WFDC1: variants seen among roughly 807,000 people sequenced by gnomAD.
The protein encoded by WFDC1 is WAP four-disulfide core domain 1.
WFDC1 carries 39 observed loss-of-function variants against 32.9 expected under a neutral mutation model. The observed-to-expected ratio is 1.19, with a 90% CI of 0.92 to 1.55. The LOEUF (loss-of-function observed/expected upper bound fraction) is 1.55, where lower values mean the gene tolerates loss of function less well. Among genes scored for constraint, WFDC1 ranks in the 40% most tolerant of loss-of-function variants. The pLI, the probability that WFDC1 is intolerant of heterozygous loss-of-function variation, is 0.00. For missense variants in WFDC1, 386 were observed against 309.5 expected (o/e 1.25, Z -1.85); for synonymous variants, 184 against 137.4 (o/e 1.34, Z -2.37).
Position 84,324,413 on chromosome 16 carries a change from T to G in WFDC1, c.563-6T>G. 1 of 1,613,700 alleles carries G rather than the reference T, an allele frequency of 6.2e-7. No homozygotes were observed. The highest frequency in any genetic ancestry group is 8.5e-7 in the Non-Finnish European group (1 of 1,179,914). On this transcript the variant is annotated splice_region_variant and splice_polypyrimidine_tract_variant and intron_variant, in intron 4 of 6. Transcript: ENST00000219454. The stretch of plus-strand genomic sequence containing the variant: ...AAGAAGTTTTTTCCTCTCACTTGTT[T>G]TCCAGATGGGCGAATCCTACGACAC...
chr16:84,308,098 C>T (rs1907373472), intron 1 of WFDC1, among the ~76,000 whole-genome samples: 1 of 152,196 alleles, frequency 6.6e-6, no homozygotes, highest in African/African-American at 2.4e-5. Context: ...AAGAAGGGTT[C>T]TCTGGGTGAA....
chr16:84,324,490 G>C (rs749103653), intron 5 of WFDC1, 30 bp downstream of exon 5: 5 of 1,603,726 alleles, frequency 3.1e-6, no homozygotes, highest in Non-Finnish European at 4.3e-6. Context: ...TTTCTTTCCA[G>C]AGGGCACAAA....
intron 5 of WFDC1, among the ~76,000 whole-genome samples, chr16:84,325,175 C>T (rs1417528111): frequency 6.6e-6 from 1 of 151,132 alleles, no homozygotes; most frequent in Admixed American, 6.6e-5. Flanking sequence ...TACATACATC[C>T]TTTCACTTAT....
intron 1 of WFDC1, among the ~76,000 whole-genome samples, chr16:84,301,960 G>C (rs1445171824): frequency 6.6e-6 from 1 of 152,314 alleles, no homozygotes; most frequent in African/African-American, 2.4e-5. Context: ...AGCACTCACC[G>C]CAGCCACAGG....
At chr16:84,309,682 G>A (rs1176046283) in intron 1 of WFDC1, among the ~76,000 whole-genome samples, 1 of 151,890 alleles carries the variant, frequency 6.6e-6, no homozygotes, top group African/African-American at 2.4e-5. Context: ...AGATCAAGGG[G>A]TCAGCAGAGC....
intron 5 of WFDC1, chr16:84,326,151 A>G (rs988654883): frequency 6.7e-6 from 1 of 149,714 alleles, no homozygotes; most frequent in Non-Finnish European, 1.5e-5. Context: ...CCATCTATCC[A>G]TCTATCCACC....
chr16:84,327,269 C>A, intron 6 of WFDC1: 1 of 307,186 alleles, frequency 3.3e-6, no homozygotes, highest in South Asian at 4.5e-5. Context: ...TTGTTCACTG[C>A]AGCCTCAGAC....
chr16:84,298,209 G>T (rs2151363920), intron 1 of WFDC1, among the ~76,000 whole-genome samples: 1 of 152,144 alleles, frequency 6.6e-6, no homozygotes, highest in East Asian at 1.9e-4. Flanking sequence ...CCCGGCTCAA[G>T]TGATTCTTGT....
At chr16:84,316,073 C>A (rs776797498) in intron 2 of WFDC1, 8 of 152,258 alleles carry the variant, frequency 5.3e-5, no homozygotes, top group Non-Finnish European at 8.8e-5. Context: ...ACAAACAGCA[C>A]ATATTACTAC....
intron 1 of WFDC1, among the ~76,000 whole-genome samples, chr16:84,305,185 A>G (rs926703877): frequency 2.6e-5 from 4 of 152,244 alleles, no homozygotes; most frequent in African/African-American, 9.6e-5. Context: ...GGCACACAGT[A>G]AGAGCTTACT....
chr16:84,314,437 C>G (rs1907833756), intron 2 of WFDC1, among the ~76,000 whole-genome samples: 1 of 152,142 alleles, frequency 6.6e-6, no homozygotes, highest in South Asian at 2.1e-4. Context: ...TTGGACTGTA[C>G]CTTCCACGAG....
chr16:84,300,596 T>G (rs1390888805), intron 1 of WFDC1, among the ~76,000 whole-genome samples: 1 of 152,228 alleles, frequency 6.6e-6, no homozygotes, highest in Admixed American at 6.5e-5. Context: ...ACAGGTTCAT[T>G]ACAGGTGTAA....
At chr16:84,323,107 A>G (rs1424596820) in intron 4 of WFDC1, among the ~76,000 whole-genome samples, 1 of 152,196 alleles carries the variant, frequency 6.6e-6, no homozygotes, top group Non-Finnish European at 1.5e-5. Flanking sequence ...CCCAGCCTAC[A>G]AAAACCTTAG....
At chr16:84,308,956 G>A (rs1261012509) in intron 1 of WFDC1, among the ~76,000 whole-genome samples, 1 of 152,182 alleles carries the variant, frequency 6.6e-6, no homozygotes, top group East Asian at 1.9e-4. Context: ...CCTGGGTGCA[G>A]ACTCAGGATA....
rs1427195600 is a variant in WFDC1 at position 84,319,167 on chromosome 16, T to C, written c.422-264T>C. ...TCCGTGAACATGTCTATATGGATGT[T>C]GCTGAGCCTGTGAGAGTATGTTTGG... On this transcript the variant is annotated intron_variant, in intron 3 of 6. Coordinates refer to ENST00000219454, the MANE Select transcript of WFDC1 (RefSeq NM_021197.4). 5.7e-6 allele frequency: 3 copies of C among 527,032 alleles called. No homozygotes were observed. In the East Asian group the frequency reaches 9.5e-5, roughly 17 times the overall value. 32.6% of individuals were successfully genotyped at this position (527,032 alleles called of 1,614,324 possible).
At chr16:84,299,696 T>C (rs939904767) in intron 1 of WFDC1, among the ~76,000 whole-genome samples, 6 of 152,226 alleles carry the variant, frequency 3.9e-5, no homozygotes, top group African/African-American at 1.4e-4. Flanking sequence ...GCCCCTGGCC[T>C]GGGCAGGCTG....
chr16:84,304,834 C>T (rs1052220226), intron 1 of WFDC1, among the ~76,000 whole-genome samples: 3 of 152,112 alleles, frequency 2.0e-5, no homozygotes, highest in South Asian at 2.1e-4. Context: ...ACCTGGGGGC[C>T]CCCATTTTGA....
At chr16:84,298,366 A>G (rs1004923522) in intron 1 of WFDC1, among the ~76,000 whole-genome samples, 2 of 152,122 alleles carry the variant, frequency 1.3e-5, no homozygotes, top group Non-Finnish European at 2.9e-5. Flanking sequence ...AAGTGCTGGG[A>G]TTATAGGTGT....
chr16:84,326,526 C>A, intron 5 of WFDC1: 1 of 234,400 alleles, frequency 4.3e-6, no homozygotes, highest in Non-Finnish European at 8.5e-6. Flanking sequence ...GAAAAGGCTT[C>A]CTAAGGAGGA....
Sources: gnomAD v4.1 joint callset for allele counts (sites outside exome capture counted in the v4.1 genomes callset) on GRCh38, gnomAD v4.1.1 for gene constraint, MANE v1.5 for transcripts, NCBI Gene and HGNC (gene_info 2026-07-23, HGNC 2026-07-21) for gene names.